Variants in CRYBG3 observed in about 807,000 individuals in gnomAD.
The protein encoded by CRYBG3 is crystallin beta-gamma domain containing 3.
CRYBG3 carries 127 observed loss-of-function variants against 244.2 expected under a neutral mutation model. The observed-to-expected ratio is 0.52, with a 90% CI of 0.45 to 0.60. The LOEUF (loss-of-function observed/expected upper bound fraction) is 0.60. Among genes scored for constraint, CRYBG3 ranks in the 20% least tolerant of loss-of-function variants. The pLI is 0.00. For synonymous variants in CRYBG3, 1,132 were observed against 1,195.8 expected (o/e 0.95, Z 1.10); for missense variants, 3,325 against 3,442.5 (o/e 0.97, Z 0.85).
Position 97,931,087 on chromosome 3 carries a change from C to G in CRYBG3, c.8242-2607C>G, listed in dbSNP as rs75378514. On this transcript the variant is annotated intron_variant, in intron 17 of 21. Transcript: ENST00000389622. Reference sequence around the variant, plus strand: ...ACAAAGCATGCTCATAGGCCACTACCCCGTTTCCCTCCTGCTCTTCACCAA... The same window carrying G: ...ACAAAGCATGCTCATAGGCCACTACGCCGTTTCCCTCCTGCTCTTCACCAA... Among the ~76,000 whole-genome samples the G allele has an allele frequency of 2.5e-3, 381 of 152,168 alleles. 3 individuals are homozygous for G. The highest frequency in any genetic ancestry group is 0.024 in the East Asian group (122 of 5,156).
chr3:97,918,974 GA>G (rs1386457300), intron 17 of CRYBG3, among the ~76,000 whole-genome samples: 9 of 152,266 alleles, frequency 5.9e-5, no homozygotes, highest in Admixed American at 5.9e-4. Context: ...TTAGGCAGGG[GA>G]ATAGACTCTC....
At chr3:97,933,095 G>T in intron 17 of CRYBG3, 1 of 451,900 alleles carries the variant, frequency 2.2e-6, no homozygotes, top group South Asian at 1.6e-5. Flanking sequence ...TCTTAACATG[G>T]TGTCTTGCAT....
chr3:97,896,823 G>C (rs199574285), intron 12 of CRYBG3, among the ~76,000 whole-genome samples: 1 of 152,194 alleles, frequency 6.6e-6, no homozygotes, highest in Admixed American at 6.5e-5. Context: ...AGAATTACAC[G>C]GTCCCCAGTA....
At chr3:97,825,543 G>A (rs2038566894) in intron 1 of CRYBG3, among the ~76,000 whole-genome samples, 1 of 152,202 alleles carries the variant, frequency 6.6e-6, no homozygotes, top group Non-Finnish European at 1.5e-5. Flanking sequence ...TTGGGAGAGT[G>A]CTCAGTGATG....
chr3:97,832,415 C>T (rs1014640187), intron 1 of CRYBG3, among the ~76,000 whole-genome samples: 1 of 152,024 alleles, frequency 6.6e-6, no homozygotes, highest in Admixed American at 6.6e-5. Context: ...AATAATGCCA[C>T]ACATCTACAA....
intron 1 of CRYBG3, among the ~76,000 whole-genome samples, chr3:97,823,515 C>T (rs2038536610): frequency 6.6e-6 from 1 of 152,214 alleles, no homozygotes. Flanking sequence ...CAAGAAAGCT[C>T]CTACGATAAT....
intron 17 of CRYBG3, among the ~76,000 whole-genome samples, chr3:97,919,747 T>C (rs955283279): frequency 6.1e-4 from 92 of 150,238 alleles, no homozygotes; most frequent in Non-Finnish European, 2.2e-4. Flanking sequence ...AGGATGATGC[T>C]TGGGGCGTTG....
intron 2 of CRYBG3, among the ~76,000 whole-genome samples, chr3:97,843,517 T>C (rs1164819995): frequency 6.6e-6 from 1 of 152,156 alleles, no homozygotes; most frequent in African/African-American, 2.4e-5. Context: ...TGTGTGATCT[T>C]CAGCTGAGGA....
intron 17 of CRYBG3, among the ~76,000 whole-genome samples, chr3:97,926,808 A>G (rs951401023): frequency 1.3e-5 from 2 of 151,968 alleles, no homozygotes; most frequent in African/African-American, 2.4e-5. Context: ...CAAGAATGCA[A>G]TTCCATTCAC....
At chr3:97,879,189 CCACACTCTGGGTG>C (rs1383136840) in intron 4 of CRYBG3, among the ~76,000 whole-genome samples, 1 of 152,184 alleles carries the variant, frequency 6.6e-6, no homozygotes, top group Non-Finnish European at 1.5e-5. Context: ...CCTTGTCTCC[CCACACTCTGGGTG>C]CACACTCTGT....
intron 1 of CRYBG3, chr3:97,837,038 A>G (rs1449812042): frequency 9.2e-5 from 14 of 152,142 alleles, no homozygotes; most frequent in Non-Finnish European, 1.8e-4. Context: ...AGATCCAAAA[A>G]CGTTCATTTT....
intron 1 of CRYBG3, among the ~76,000 whole-genome samples, chr3:97,829,831 T>C (rs540949097): frequency 6.6e-6 from 1 of 152,308 alleles, no homozygotes; most frequent in Non-Finnish European, 1.5e-5. Flanking sequence ...TTCTTCTCTC[T>C]TGAAATAAGT....
intron 1 of CRYBG3, among the ~76,000 whole-genome samples, chr3:97,824,187 A>G (rs374897109): frequency 6.6e-6 from 1 of 152,238 alleles, no homozygotes; most frequent in Non-Finnish European, 1.5e-5. Flanking sequence ...TTAATAAAAC[A>G]AATGGAACCG....
chr3:97,851,789 A>G (rs1021854708), intron 2 of CRYBG3, among the ~76,000 whole-genome samples: 2 of 152,140 alleles, frequency 1.3e-5, no homozygotes. Context: ...GGCAATGCTC[A>G]GCCATTGGAG....
At chr3:97,909,731 G>A (rs1256497956) in intron 15 of CRYBG3, among the ~76,000 whole-genome samples, 1 of 151,626 alleles carries the variant, frequency 6.6e-6, no homozygotes, top group East Asian at 1.9e-4. Flanking sequence ...ATCGTCTGAA[G>A]CCTTCTTCTC....
At chr3:97,889,826 G>T (rs561922547) in intron 10 of CRYBG3, among the ~76,000 whole-genome samples, 1 of 152,238 alleles carries the variant, frequency 6.6e-6, no homozygotes, top group East Asian at 1.9e-4. Context: ...TTGTAAGTAT[G>T]AGTATCCAAA....
chr3:97,912,868 T>A (rs531017458), intron 16 of CRYBG3, among the ~76,000 whole-genome samples: 1 of 152,320 alleles, frequency 6.6e-6, no homozygotes, highest in South Asian at 2.1e-4. Flanking sequence ...ATTCTACAAT[T>A]TTTTTATTGT....
chr3:97,904,442 G>A (rs1575953374), intron 15 of CRYBG3, among the ~76,000 whole-genome samples: 1 of 151,990 alleles, frequency 6.6e-6, no homozygotes. Context: ...ATTTTTCCGG[G>A]TATGAAGACT....
Position 97,898,910 on chromosome 3 carries a change from T to C in CRYBG3, c.7729T>C (p.Phe2577Leu). 6.2e-7 allele frequency: 1 copy of C among 1,602,624 alleles called. No individual in the cohort carries two copies. Among genetic ancestry groups the C allele is most frequent in the Non-Finnish European group, 8.5e-7 (1 of 1,173,938 alleles). The change falls in exon 13 of 22, where the codon TTT (phenylalanine) becomes CTT (leucine). Residue 2577 changes from phenylalanine to leucine, a missense_variant. Phe to Leu is a conservative substitution (Grantham distance 22). This residue lies in a region of CRYBG3 where 714 missense variants were observed against 803.6 expected (regional missense o/e 0.89). Transcript: ENST00000389622. ...ANFIESSVTL[F>L]ESDLESGKFI... ...TTTTATAGAATCTTCTGTCACACTA[T>C]TTGAATCTGACCTAGAAAGTGGGAA... is the stretch of plus-strand genomic sequence containing the variant.
Sources: gnomAD v4.1 joint callset for allele counts (sites outside exome capture counted in the v4.1 genomes callset) on GRCh38, gnomAD v4.1.1 for gene constraint, gnomAD v4.1.1 regional missense constraint, MANE v1.5 for transcripts, NCBI Gene and HGNC (gene_info 2026-07-23, HGNC 2026-07-21) for gene names.